The following OR8D1 variants were observed in gnomAD, a reference collection of about 807,000 sequenced individuals.
OR8D1 encodes olfactory receptor 8D1.
For synonymous variants in OR8D1, 143 were observed against 147.0 expected (o/e 0.97, Z 0.20); for missense variants, 384 against 366.8 (o/e 1.05, Z -0.38).
chr11:124,313,088 C>T (rs1444207955), intron 1 of OR8D1, among the ~76,000 whole-genome samples: 1 of 151,378 alleles, frequency 6.6e-6, no homozygotes, highest in Non-Finnish European at 1.5e-5. Flanking sequence ...GCAGGAGAAT[C>T]GCTTGAACCT....
intron 1 of OR8D1, among the ~76,000 whole-genome samples, chr11:124,313,407 A>T (rs1862440809): frequency 6.6e-6 from 1 of 152,188 alleles, no homozygotes; most frequent in Admixed American, 6.5e-5. Context: ...AAGACAAGTA[A>T]CACTAATAAA....
At position 124,306,512 on chromosome 11, in the gene OR8D1, G is replaced by C. The variant is rs1862370187; in HGVS notation, c.*3328C>G. The C allele has an allele frequency of 6.6e-6, 1 of 151,134 alleles. No homozygotes were observed. The highest frequency in any genetic ancestry group is 1.5e-5 in the Non-Finnish European group (1 of 67,744). 9.4% of individuals were successfully genotyped at this position (151,134 alleles called of 1,614,324 possible). A position where few individuals can be genotyped will look rare whatever the true frequency, so the allele number is the denominator to read the frequency against. On this transcript the variant is annotated 3_prime_UTR_variant, in exon 3 of 3. Transcript: ENST00000641015. Reference sequence around the variant, plus strand: ...CATTTACGTATTTTTATTTTGGTCAGCTAAAATTCTTTTTCTCTTCTCCAT... The same window carrying C: ...CATTTACGTATTTTTATTTTGGTCACCTAAAATTCTTTTTCTCTTCTCCAT...
Position 124,313,753 on chromosome 11 carries a change from A to C in OR8D1, c.-154T>G, listed in dbSNP as rs1194277687. ...CTGCACAGAAACAGAATTTCTTAGG[A>C]ATTGTTCACTTTGCTCAGGTCGCAG... On this transcript the variant is annotated 5_prime_UTR_variant, in exon 1 of 3. In the 5' UTR this introduces an upstream ATG that the reference lacks. Coordinates refer to ENST00000641015, the MANE Select transcript of OR8D1 (RefSeq NM_001002917.2). 1 of 152,218 alleles carries C rather than the reference A, an allele frequency of 6.6e-6. No individual in the cohort carries two copies. Among genetic ancestry groups the C allele is most frequent in the Admixed American group, 6.5e-5 (1 of 15,278 alleles). 9.4% of individuals were successfully genotyped at this position (152,218 alleles called of 1,614,324 possible).
At position 124,308,454 on chromosome 11, in the gene OR8D1, T is replaced by C. The variant is rs749118595; in HGVS notation, c.*1386A>G. 1 of 151,926 alleles carries C rather than the reference T, an allele frequency of 6.6e-6. No individual in the cohort carries two copies. Among genetic ancestry groups the C allele is most frequent in the African/African-American group, 2.4e-5 (1 of 41,358 alleles). 9.4% of individuals were successfully genotyped at this position (151,926 alleles called of 1,614,324 possible). On this transcript the variant is annotated 3_prime_UTR_variant, in exon 3 of 3. Transcript: ENST00000641015. ...AGAGCAAGGCATACAGAAGAGAAGA[T>C]GTATTAAGGGGAAGGTGAGCAAGGC...
rs1862358378 is a variant in OR8D1, at chr11:124,305,172, C to CA, written c.*4667dup. ...TATGCCTGAAAATAATAAAGATAGA[C>CA]AATAGAATATAGGGTACAAAGTAGG... On this transcript the variant is annotated 3_prime_UTR_variant, in exon 3 of 3. Transcript: ENST00000641015. The CA allele has an allele frequency of 1.3e-5, 2 of 151,686 alleles. No individual in the cohort carries two copies. The highest frequency in any genetic ancestry group is 6.6e-5 in the Admixed American group (1 of 15,170). 9.4% of individuals were successfully genotyped at this position (151,686 alleles called of 1,614,324 possible). A position where few individuals can be genotyped will look rare whatever the true frequency, so the allele number is the denominator to read the frequency against.
At position 124,303,205 on chromosome 11, in the gene OR8D1, G is replaced by C. The variant is rs1223452097; in HGVS notation, c.*6635C>G. ...CTCACATGGCGGGAGGTGTGAGACA[G>C]AGCAGGAAAAACTACCATTTATAAA... On this transcript the variant is annotated 3_prime_UTR_variant, in exon 3 of 3. Coordinates refer to ENST00000641015, the MANE Select transcript of OR8D1 (RefSeq NM_001002917.2). 2 of 152,102 alleles carry C rather than the reference G, an allele frequency of 1.3e-5. No individual in the cohort carries two copies. The highest frequency in any genetic ancestry group is 4.8e-5 in the African/African-American group (2 of 41,438). The allele number at this position is 152,102 out of a possible 1,614,324, so 9.4% of individuals were successfully genotyped here. A position where few individuals can be genotyped will look rare whatever the true frequency, so the allele number is the denominator to read the frequency against.
chr11:124,311,583 A>G lies in OR8D1; in HGVS notation c.-28T>C. On this transcript the variant is annotated 5_prime_UTR_variant, in exon 2 of 3. Transcript: ENST00000641015. ...CCCACAGAACAGACCTTACGGTGGC[A>G]GGAAAAGGTGCTTCTGAAGGTGTCT... The G allele has an allele frequency of 6.6e-6, 1 of 152,350 alleles. No individual in the cohort carries two copies. The highest frequency in any genetic ancestry group is 1.5e-5 in the Non-Finnish European group (1 of 68,102). 9.4% of individuals were successfully genotyped at this position (152,350 alleles called of 1,614,324 possible).
At position 124,304,543 on chromosome 11, in the gene OR8D1, A is replaced by G. The variant is rs1257946679; in HGVS notation, c.*5297T>C. ...ACTGTTTAACATTTTACACTACAAC[A>G]TGTAAAATTTGAGAGATGCCATTTC... On this transcript the variant is annotated 3_prime_UTR_variant, in exon 3 of 3. Coordinates refer to ENST00000641015, the MANE Select transcript of OR8D1 (RefSeq NM_001002917.2). 6.6e-6 allele frequency: 1 copy of G among 151,982 alleles called. No homozygotes were observed. Among genetic ancestry groups the G allele is most frequent in the Non-Finnish European group, 1.5e-5 (1 of 67,908 alleles). The allele number at this position is 151,982 out of a possible 1,614,324, so 9.4% of individuals were successfully genotyped here.
chr11:124,304,122 A>G lies in OR8D1; in HGVS notation c.*5718T>C, dbSNP rs1050989897. On this transcript the variant is annotated 3_prime_UTR_variant, in exon 3 of 3. Coordinates refer to ENST00000641015, the MANE Select transcript of OR8D1 (RefSeq NM_001002917.2). The stretch of plus-strand genomic sequence containing the variant: ...TTTGTTATCTGGTTTTTTAGAGAAA[A>G]CATGTCAGTCTCTAATGTAGGCCAT... The G allele has an allele frequency of 6.6e-6, 1 of 152,006 alleles. No individual in the cohort carries two copies. Among genetic ancestry groups the G allele is most frequent in the Admixed American group, 6.6e-5 (1 of 15,238 alleles). The allele number at this position is 152,006 out of a possible 1,614,324, so 9.4% of individuals were successfully genotyped here.
chr11:124,309,912 C>T lies in OR8D1; in HGVS notation c.855G>A (p.Leu285=), dbSNP rs1862402103. Residue 285 remains leucine (L), a synonymous_variant, in exon 3 of 3, where the codon CTG becomes CTA. Transcript: ENST00000641015. ...SVFYTTVIPM[L]NPLIYSLRNK... ...TCCTCAGACTGTATATTAAAGGGTT[C>T]AGCATGGGGATCACCGTGGTGTAGA... 1.3e-6 allele frequency: 2 copies of T among 1,522,158 alleles called. No homozygotes were observed. 94.3% of individuals were successfully genotyped at this position (1,522,158 alleles called of 1,614,324 possible).
Position 124,309,630 on chromosome 11 carries a change from G to T in OR8D1, c.*210C>A. On this transcript the variant is annotated 3_prime_UTR_variant, in exon 3 of 3. Coordinates refer to ENST00000641015, the MANE Select transcript of OR8D1 (RefSeq NM_001002917.2). ...AGAAATTAAAACTACCTAGACCTTA[G>T]TTTTCCTATCAAAAGATAAGAATGT... The T allele has an allele frequency of 3.1e-6, 1 of 321,130 alleles. No homozygotes were observed. 19.9% of individuals were successfully genotyped at this position (321,130 alleles called of 1,614,324 possible). A position where few individuals can be genotyped will look rare whatever the true frequency, so the allele number is the denominator to read the frequency against.
In OR8D1 at chr11:124,309,895, C is replaced by T; in HGVS notation, c.872G>A (p.Ser291Asn). ...TTTCTTCACATCCTTATTCCTCAGA[C>T]TGTATATTAAAGGGTTCAGCATGGG... is the stretch of plus-strand genomic sequence containing the variant. ...VIPMLNPLIY[S>N]LRNKDVKKAL... Residue 291 changes from serine (S) to asparagine (N), a missense_variant, in exon 3 of 3, where the codon AGT becomes AAT. Physicochemically the swap from Ser to Asn is conservative, Grantham distance 46. Coordinates refer to ENST00000641015, the MANE Select transcript of OR8D1 (RefSeq NM_001002917.2). The T allele has an allele frequency of 1.3e-6, 2 of 1,504,864 alleles. No homozygotes were observed. Among genetic ancestry groups the T allele is most frequent in the South Asian group, 1.4e-5 (1 of 70,748 alleles). 93.2% of individuals were successfully genotyped at this position (1,504,864 alleles called of 1,614,324 possible).
chr11:124,310,378 A>C lies in OR8D1; in HGVS notation c.389T>G (p.Leu130Arg), dbSNP rs893829013. The stretch of plus-strand genomic sequence containing the variant: ...TGAGGACATGATCGCATTATAAAGC[A>C]GTGGGCTACAGATGGCAACATAGCG... ...YDRYVAICSPLLYNAIMSSWV... is the reference protein window; with the variant it reads ...YDRYVAICSPRLYNAIMSSWV... The change falls in exon 3 of 3, where the codon CTG (leucine) becomes CGG (arginine). Residue 130 changes from leucine to arginine, a missense_variant. Transcript: ENST00000641015. 2 of 1,613,530 alleles carry C rather than the reference A, an allele frequency of 1.2e-6. No individual in the cohort carries two copies. Among genetic ancestry groups the C allele is most frequent in the Admixed American group, 1.7e-5 (1 of 59,888 alleles).
In OR8D1 at chr11:124,304,049, A is replaced by G. The variant is rs1862346390; in HGVS notation, c.*5791T>C. 6.6e-6 allele frequency: 1 copy of G among 152,096 alleles called. No individual in the cohort carries two copies. The highest frequency in any genetic ancestry group is 1.5e-5 in the Non-Finnish European group (1 of 67,962). 9.4% of individuals were successfully genotyped at this position (152,096 alleles called of 1,614,324 possible). A position where few individuals can be genotyped will look rare whatever the true frequency, so the allele number is the denominator to read the frequency against. On this transcript the variant is annotated 3_prime_UTR_variant, in exon 3 of 3. Coordinates refer to ENST00000641015, the MANE Select transcript of OR8D1 (RefSeq NM_001002917.2). ...CCACATTCATTCATTACAATATAAT[A>G]GTTCAGTAGTTACAATGGAATCCTT...
At position 124,309,960 on chromosome 11, in the gene OR8D1, G is replaced by T; in HGVS notation, c.807C>A (p.Asp269Glu). Residue 269 changes from aspartate to glutamate, a missense_variant, in exon 3 of 3, where the codon GAC (aspartate) becomes GAA (glutamate). Physicochemically the swap from Asp to Glu is conservative, Grantham distance 45. Transcript: ENST00000641015. ...AGAACACAGAGGACACCTTCTCCTG[G>T]TCCAGGGAGTTACTTGAAGGGGGCT... Reference protein sequence around the residue: ...YFKPPSSNSLDQEKVSSVFYT... With the variant: ...YFKPPSSNSLEQEKVSSVFYT... 1 of 1,565,978 alleles carries T rather than the reference G, an allele frequency of 6.4e-7. No homozygotes were observed. Among genetic ancestry groups the T allele is most frequent in the Non-Finnish European group, 8.6e-7 (1 of 1,157,982 alleles).
In OR8D1 at chr11:124,306,930, C is replaced by A. The variant is rs1179364007; in HGVS notation, c.*2910G>T. Reference sequence around the variant, plus strand: ...GATTAGTTGTGAAAAAGAAATGGTTCTCTTTTTTGTTGTTCTTTTTGAGAG... The same window carrying A: ...GATTAGTTGTGAAAAAGAAATGGTTATCTTTTTTGTTGTTCTTTTTGAGAG... On this transcript the variant is annotated 3_prime_UTR_variant, in exon 3 of 3. Transcript: ENST00000641015. The A allele has an allele frequency of 1.3e-5, 2 of 152,038 alleles. No individual in the cohort carries two copies. Among genetic ancestry groups the A allele is most frequent in the Admixed American group, 6.6e-5 (1 of 15,224 alleles). 9.4% of individuals were successfully genotyped at this position (152,038 alleles called of 1,614,324 possible).
intron 2 of OR8D1, among the ~76,000 whole-genome samples, chr11:124,311,323 A>G (rs949620911): frequency 6.6e-6 from 1 of 152,126 alleles, no homozygotes; most frequent in African/African-American, 2.4e-5. Context: ...GTGTAAAAAT[A>G]CTGCAGAAGT....
Position 124,307,200 on chromosome 11 carries a change from G to C in OR8D1, c.*2640C>G, listed in dbSNP as rs1419800039. ...CAAAAGTAGATTTAAGTACAAAAGT[G>C]TACTTACAAGTTTGGGACTTTCCAT... On this transcript the variant is annotated 3_prime_UTR_variant, in exon 3 of 3. Coordinates refer to ENST00000641015, the MANE Select transcript of OR8D1 (RefSeq NM_001002917.2). 1 of 148,718 alleles carries C rather than the reference G, an allele frequency of 6.7e-6. No individual in the cohort carries two copies. The highest frequency in any genetic ancestry group is 2.4e-5 in the African/African-American group (1 of 41,242). 9.2% of individuals were successfully genotyped at this position (148,718 alleles called of 1,614,324 possible). A position where few individuals can be genotyped will look rare whatever the true frequency, so the allele number is the denominator to read the frequency against.
rs1862384167 is a variant in OR8D1, at chr11:124,308,298, T to A, written c.*1542A>T. 1 of 152,150 alleles carries A rather than the reference T, an allele frequency of 6.6e-6. No individual in the cohort carries two copies. The highest frequency in any genetic ancestry group is 1.5e-5 in the Non-Finnish European group (1 of 68,032). The allele number at this position is 152,150 out of a possible 1,614,324, so 9.4% of individuals were successfully genotyped here. Reference sequence around the variant, plus strand: ...GATCCTGGATTCAGAAAAGTGTTAATTGCACTATTAAAGCTGCTGAAAAAG... The same window carrying A: ...GATCCTGGATTCAGAAAAGTGTTAAATGCACTATTAAAGCTGCTGAAAAAG... On this transcript the variant is annotated 3_prime_UTR_variant, in exon 3 of 3. Transcript: ENST00000641015.
Sources: allele counts gnomAD v4.1 joint callset (sites outside exome capture counted in the v4.1 genomes callset), GRCh38; gene constraint gnomAD v4.1.1; transcripts MANE v1.5; gene names NCBI Gene and HGNC (gene_info 2026-07-23, HGNC 2026-07-21).